PCNX4: variants seen among roughly 807,000 people sequenced by gnomAD.
The protein encoded by PCNX4 is pecanex 4.
PCNX4 carries 103 observed loss-of-function variants against 107.2 expected under a neutral mutation model. That is an observed-to-expected ratio of 0.96 (90% CI 0.82 to 1.13). The LOEUF (loss-of-function observed/expected upper bound fraction) is 1.13. Among genes scored for constraint, PCNX4 ranks in the 50% most tolerant of loss-of-function variants. The pLI is 0.00. For synonymous variants in PCNX4, 541 were observed against 481.7 expected (o/e 1.12, Z -1.61); for missense variants, 1,528 against 1,379.4 (o/e 1.11, Z -1.71).
rs1193325545 is a variant in PCNX4 at position 60,137,955 on chromosome 14, G to A, written c.*3734G>A. 6.6e-6 allele frequency: 1 copy of A among 152,060 alleles called. No homozygotes were observed. Among genetic ancestry groups the A allele is most frequent in the African/African-American group, 2.4e-5 (1 of 41,380 alleles). The allele number at this position is 152,060 out of a possible 1,614,324, so 9.4% of individuals were successfully genotyped here. A position where few individuals can be genotyped will look rare whatever the true frequency, so the allele number is the denominator to read the frequency against. On this transcript the variant is annotated 3_prime_UTR_variant, in exon 11 of 11. Transcript: ENST00000406854. The stretch of plus-strand genomic sequence containing the variant: ...ATAAAAAAAAAAATAACCGGGTGTG[G>A]TGGTGGGTGCCTGTAGTCCCAGCTA...
rs1369419454 is a variant in PCNX4 at position 60,134,079 on chromosome 14, T to A, written c.3377T>A (p.Leu1126His). 4 of 1,613,780 alleles carry A rather than the reference T, an allele frequency of 2.5e-6. No homozygotes were observed. The highest frequency in any genetic ancestry group is 2.7e-5 in the African/African-American group (2 of 74,920). ...TGGGCCAATCTTTCATGGGAATTAC[T>A]TTATGCCACAAACGATGATGAAGAA... ...GQWANLSWEL[L>H]YATNDDEERY... Residue 1126 changes from leucine to histidine, a missense_variant, in exon 11 of 11, where the codon CTT becomes CAT. Leu to His is a moderately conservative substitution (Grantham distance 99). Transcript: ENST00000406854.
At chr14:60,097,232 C>G (rs1895442356) in intron 1 of PCNX4, among the ~76,000 whole-genome samples, 1 of 152,084 alleles carries the variant, frequency 6.6e-6, no homozygotes, top group Non-Finnish European at 1.5e-5. Context: ...AATCCTTCAC[C>G]CCATGTCTAG....
rs537832202 is a variant in PCNX4, at chr14:60,113,660, C to T, written c.690-1040C>T. Among the ~76,000 whole-genome samples, 56 of 152,210 alleles carry T rather than the reference C, an allele frequency of 3.7e-4. No homozygotes were observed. The South Asian group carries it at 0.01, about 28-fold the overall frequency. ...CTGGGATTACAGGTGTGAGCCACTG[C>T]GCCCGGCCCCAGAAATGTCTTTCTC... On this transcript the variant is annotated intron_variant, in intron 2 of 10. Transcript: ENST00000406854.
At chr14:60,128,041 T>G (rs1395164800) in intron 10 of PCNX4, among the ~76,000 whole-genome samples, 1 of 152,040 alleles carries the variant, frequency 6.6e-6, no homozygotes, top group Non-Finnish European at 1.5e-5. Context: ...CAATAGAGAT[T>G]ATGCAATCCA....
At chr14:60,098,585 C>T (rs1036727880) in intron 1 of PCNX4, among the ~76,000 whole-genome samples, 8 of 152,098 alleles carry the variant, frequency 5.3e-5, no homozygotes, top group Non-Finnish European at 1.0e-4. Context: ...GGTTGGGGAG[C>T]GGGGTGCTTA....
At chr14:60,121,077 G>A (rs2140556884) in intron 7 of PCNX4, 119 bp from the exon 8 acceptor site, 1 of 1,236,470 alleles carries the variant, frequency 8.1e-7, no homozygotes, top group Non-Finnish European at 1.1e-6. Flanking sequence ...CTAATGAGAG[G>A]GTAGGAGTCG....
At chr14:60,094,440 GAC>G (rs1284672041) in intron 1 of PCNX4, among the ~76,000 whole-genome samples, 3 of 152,104 alleles carry the variant, frequency 2.0e-5, no homozygotes, top group Non-Finnish European at 4.4e-5. Context: ...TGGTCAAAGT[GAC>G]ACATTCCAGG....
In PCNX4 at chr14:60,108,228, C is replaced by T. The variant is rs576073179; in HGVS notation, c.590C>T (p.Thr197Ile). ...TATTCTTTAATTGTAAACACAGCTA[C>T]AGAGACTGCGACTTTCCAAACACAG... The part of the protein sequence containing the change: ...AEYSLIVNTA[T>I]ETATFQTQDT... The change falls in exon 2 of 11, where the codon ACA (threonine) becomes ATA (isoleucine). Residue 197 changes from threonine to isoleucine, a missense_variant. Thr to Ile is a moderately conservative substitution (Grantham distance 89). Transcript: ENST00000406854. 10 of 1,612,692 alleles carry T rather than the reference C, an allele frequency of 6.2e-6. No individual in the cohort carries two copies. In the South Asian group the frequency reaches 1.1e-4, roughly 18 times the overall value.
intron 7 of PCNX4, among the ~76,000 whole-genome samples, chr14:60,119,818 A>G (rs1895921625): frequency 6.6e-6 from 1 of 152,224 alleles, no homozygotes; most frequent in African/African-American, 2.4e-5. Flanking sequence ...TATTTCACAT[A>G]CATCAGAGTG....
Position 60,137,749 on chromosome 14 carries a change from T to A in PCNX4, c.*3528T>A, listed in dbSNP as rs1896256119. The A allele has an allele frequency of 6.6e-6, 1 of 151,942 alleles. No individual in the cohort carries two copies. Among genetic ancestry groups the A allele is most frequent in the Non-Finnish European group, 1.5e-5 (1 of 67,992 alleles). The allele number at this position is 151,942 out of a possible 1,614,324, so 9.4% of individuals were successfully genotyped here. A position where few individuals can be genotyped will look rare whatever the true frequency, so the allele number is the denominator to read the frequency against. On this transcript the variant is annotated 3_prime_UTR_variant, in exon 11 of 11. Coordinates refer to ENST00000406854, the MANE Select transcript of PCNX4 (RefSeq NM_001330177.2). ...GAAAATCAGAAACTATATAGAAGAA[T>A]CAATCAACAAGTCCCCAACTTAAAA...
In PCNX4 at chr14:60,144,117, A is replaced by G. The variant is rs1013206729; in HGVS notation, c.*9896A>G. The G allele has an allele frequency of 6.6e-6, 1 of 152,246 alleles. No individual in the cohort carries two copies. The highest frequency in any genetic ancestry group is 1.5e-5 in the Non-Finnish European group (1 of 68,054). The allele number at this position is 152,246 out of a possible 1,614,324, so 9.4% of individuals were successfully genotyped here. On this transcript the variant is annotated 3_prime_UTR_variant, in exon 11 of 11. Transcript: ENST00000406854. ...TTAATTAACTAATACTAAGCACTCC[A>G]GTACAGTAGAAGACATACAACAGGT...
At chr14:60,111,537 G>A (rs1895740780) in intron 2 of PCNX4, among the ~76,000 whole-genome samples, 2 of 151,998 alleles carry the variant, frequency 1.3e-5, no homozygotes, top group Non-Finnish European at 2.9e-5. Context: ...AAATTTATAA[G>A]GTGGTTATTT....
In PCNX4 at chr14:60,136,453, C is replaced by G. The variant is rs1486675492; in HGVS notation, c.*2232C>G. The G allele has an allele frequency of 6.6e-6, 1 of 152,150 alleles. No homozygotes were observed. The highest frequency in any genetic ancestry group is 1.5e-5 in the Non-Finnish European group (1 of 68,024). 9.4% of individuals were successfully genotyped at this position (152,150 alleles called of 1,614,324 possible). On this transcript the variant is annotated 3_prime_UTR_variant, in exon 11 of 11. Transcript: ENST00000406854. ...ATCAAATATATGTACCTAACCCAAC[C>G]TCTCTTCTTACACTGAACCTATATA...
rs755684466 is a variant in PCNX4, at chr14:60,108,188, CTATG to C, written c.554_557del (p.Cys185Ter). ...ACTATTCTTCTTTGGATGGATGACA[CTATG>C]TATAGCAGAATATTCTTTAATTGTA... is the stretch of plus-strand genomic sequence containing the variant. On this transcript the variant is annotated frameshift_variant, in exon 2 of 11. Transcript: ENST00000406854. LOFTEE classifies it high-confidence loss of function. 1.9e-6 allele frequency: 3 copies of C among 1,612,810 alleles called. No homozygotes were observed. In the East Asian group the frequency reaches 6.7e-5, roughly 36 times the overall value.
Position 60,136,331 on chromosome 14 carries a change from C to A in PCNX4, c.*2110C>A, listed in dbSNP as rs567266328. The A allele has an allele frequency of 3.9e-5, 6 of 152,242 alleles. No homozygotes were observed. The South Asian group carries it at 1.0e-3, about 26-fold the overall frequency. 9.4% of individuals were successfully genotyped at this position (152,242 alleles called of 1,614,324 possible). The stretch of plus-strand genomic sequence containing the variant: ...CTGACCTCTAAATTTTAGAATTTCT[C>A]AACAATTGATTCTAGGCCCCCCTTT... On this transcript the variant is annotated 3_prime_UTR_variant, in exon 11 of 11. Transcript: ENST00000406854.
At chr14:60,120,592 G>A (rs966286488) in intron 7 of PCNX4, among the ~76,000 whole-genome samples, 2 of 152,150 alleles carry the variant, frequency 1.3e-5, no homozygotes, top group African/African-American at 4.8e-5. Flanking sequence ...ATAGTGAAAA[G>A]TTGGAAACAT....
At position 60,134,563 on chromosome 14, in the gene PCNX4, A is replaced by G. The variant is rs1896213506; in HGVS notation, c.*342A>G. The G allele has an allele frequency of 4.5e-6, 1 of 219,876 alleles. No individual in the cohort carries two copies. The highest frequency in any genetic ancestry group is 9.0e-6 in the Non-Finnish European group (1 of 111,290). The allele number at this position is 219,876 out of a possible 1,614,324, so 13.6% of individuals were successfully genotyped here. ...ATAGGTGAATTGCCATACAAAGTTA[A>G]CAGCTATGTAATTTTTACATACTTA... is the stretch of plus-strand genomic sequence containing the variant. On this transcript the variant is annotated 3_prime_UTR_variant, in exon 11 of 11. Coordinates refer to ENST00000406854, the MANE Select transcript of PCNX4 (RefSeq NM_001330177.2).
At chr14:60,125,526 A>G (rs1595176699) in intron 9 of PCNX4, 111 bp from the exon 10 acceptor site, 5 of 847,930 alleles carry the variant, frequency 5.9e-6, no homozygotes, top group Non-Finnish European at 8.4e-6. Flanking sequence ...TTTATCTGAA[A>G]TAGATATGAT....
chr14:60,123,903 T>G (rs1285933156), intron 8 of PCNX4, among the ~76,000 whole-genome samples: 2 of 152,132 alleles, frequency 1.3e-5, no homozygotes, highest in Admixed American at 6.5e-5. Flanking sequence ...TAAAAGTTTT[T>G]ATTGTGTGGC....
Sources: gnomAD v4.1 joint callset for allele counts (sites outside exome capture counted in the v4.1 genomes callset) on GRCh38, gnomAD v4.1.1 for gene constraint, MANE v1.5 for transcripts, NCBI Gene and HGNC (gene_info 2026-07-23, HGNC 2026-07-21) for gene names.